Variants in LDHD observed in about 807,000 individuals in gnomAD.
LDHD encodes the protein lactate dehydrogenase D, also known as D-lactate dehydrogenase, mitochondrial.
LDHD carries 58 observed loss-of-function variants against 52.9 expected under a neutral mutation model. The observed-to-expected ratio is 1.10, with a 90% confidence interval of 0.89 to 1.36. LDHD has a LOEUF of 1.36. Among genes scored for constraint, LDHD ranks in the 40% most tolerant of loss-of-function variants. The pLI, the probability that LDHD is intolerant of heterozygous loss-of-function variation, is 0.00. For missense variants in LDHD, 747 were observed against 668.0 expected (o/e 1.12, Z -1.30); for synonymous variants, 350 against 288.6 (o/e 1.21, Z -2.16).
At chr16:75,114,379 C>A in intron 5 of LDHD, 147 bp downstream of exon 5, 1 of 1,378,164 alleles carries the variant, frequency 7.3e-7, no homozygotes, top group East Asian at 2.4e-5. Context: ...CACTTTGGCC[C>A]AGCTGACAGG....
At position 75,112,186 on chromosome 16, in the gene LDHD, G is replaced by C; in HGVS notation, c.*170C>G. 1.3e-6 allele frequency: 1 copy of C among 764,234 alleles called. No individual in the cohort carries two copies. The highest frequency in any genetic ancestry group is 2.0e-6 in the Non-Finnish European group (1 of 487,890). The allele number at this position is 764,234 out of a possible 1,614,324, so 47.3% of individuals were successfully genotyped here. Reference sequence around the variant, plus strand: ...AGCCAGAGGGCCAGGGAGGTAACACGGTGCTCAGGCTTCTCTCTGGGCCCT... The same window carrying C: ...AGCCAGAGGGCCAGGGAGGTAACACCGTGCTCAGGCTTCTCTCTGGGCCCT... On this transcript the variant is annotated 3_prime_UTR_variant, in exon 11 of 11. Coordinates refer to ENST00000450168, the MANE Select transcript of LDHD (RefSeq NM_194436.3).
intron 8 of LDHD, among the ~76,000 whole-genome samples, 157 bp from the exon 9 acceptor site, chr16:75,113,081 C>A (rs150128473): frequency 1.1e-4 from 17 of 152,264 alleles, no homozygotes; most frequent in African/African-American, 4.1e-4. Context: ...CCCTCACCTC[C>A]CCCCGACACA....
At chr16:75,115,000 A>C in intron 3 of LDHD, 32 bp from the exon 4 acceptor site, 2 of 1,591,436 alleles carry the variant, frequency 1.3e-6, no homozygotes, top group Non-Finnish European at 1.7e-6. Context: ...ACCACTGCAG[A>C]CCTGGGTCTC....
chr16:75,113,937 C>A (rs1317131978), intron 6 of LDHD, 29 bp downstream of exon 6: 1 of 1,606,572 alleles, frequency 6.2e-7, no homozygotes, highest in Non-Finnish European at 8.5e-7. Context: ...CCAGGGAGCC[C>A]ACCCTGACTG....
intron 2 of LDHD, 89 bp from the exon 3 acceptor site, chr16:75,115,428 C>T: frequency 6.3e-7 from 1 of 1,594,866 alleles, no homozygotes; most frequent in Non-Finnish European, 8.6e-7. Flanking sequence ...AAGCGAGGGG[C>T]AGAGAACATG....
chr16:75,112,110 T>TTTGCTGGGAACCACCC lies in LDHD; in HGVS notation c.*230_*245dup. 2.1e-6 allele frequency: 1 copy of TTTGCTGGGAACCACCC among 486,518 alleles called. No individual in the cohort carries two copies. Among genetic ancestry groups the TTTGCTGGGAACCACCC allele is most frequent in the Non-Finnish European group, 3.6e-6 (1 of 275,598 alleles). The allele number at this position is 486,518 out of a possible 1,614,324, so 30.1% of individuals were successfully genotyped here. A position where few individuals can be genotyped will look rare whatever the true frequency, so the allele number is the denominator to read the frequency against. Reference sequence around the variant, plus strand: ...TGCGTAGGAGCAGAGAGGAAGCAGCTTTGCTGGGAACCACCCTGGGTCGTT... The same window carrying TTTGCTGGGAACCACCC: ...TGCGTAGGAGCAGAGAGGAAGCAGCTTTGCTGGGAACCACCCTTGCTGGGAACCACCCTGGGTCGTT... On this transcript the variant is annotated 3_prime_UTR_variant, in exon 11 of 11. Transcript: ENST00000450168.
chr16:75,114,846 G>T lies in LDHD; in HGVS notation c.450C>A (p.Ser150Arg). ...TCCTACCCACGGGAAACCAGAGGCC[G>T]CTGTCCCGCAGGTGGGCGTTGAGGG... is the stretch of plus-strand genomic sequence containing the variant. ...RKALNAHLRD[S>R]GLWFPVDPGA... is the part of the protein sequence containing the mutation. Residue 150 changes from serine (S) to arginine (R), a missense_variant, in exon 4 of 11, where the codon AGC (serine) becomes AGA (arginine). Coordinates refer to ENST00000450168, the MANE Select transcript of LDHD (RefSeq NM_194436.3). 6.2e-7 allele frequency: 1 copy of T among 1,613,498 alleles called. No individual in the cohort carries two copies. The highest frequency in any genetic ancestry group is 1.3e-5 in the African/African-American group (1 of 75,042).
At chr16:75,115,088 C>T in intron 3 of LDHD, 110 bp downstream of exon 3, 1 of 1,521,200 alleles carries the variant, frequency 6.6e-7, no homozygotes, top group Non-Finnish European at 8.8e-7. Flanking sequence ...GGCAGGCAGC[C>T]CACGGGCGGG....
At position 75,113,542 on chromosome 16, in the gene LDHD, C is replaced by A; in HGVS notation, c.1079G>T (p.Gly360Val). 1.2e-6 allele frequency: 2 copies of A among 1,607,134 alleles called. No homozygotes were observed. Among genetic ancestry groups the A allele is most frequent in the Non-Finnish European group, 1.7e-6 (2 of 1,177,076 alleles). Residue 360 changes from glycine (G) to valine (V), a missense_variant, in exon 8 of 11, where the codon GGC becomes GTC. Coordinates refer to ENST00000450168, the MANE Select transcript of LDHD (RefSeq NM_194436.3). ...AWYAALATRP[G>V]CKGYSTDVCV... ...ACCCCAGCCCCAGCTCACCTTGCAG[C>A]CTGGCCGCGTGGCCAGGGCTGCGTA...
intron 8 of LDHD, 72 bp from the exon 9 acceptor site, chr16:75,112,996 G>A: frequency 1.7e-6 from 2 of 1,150,432 alleles, no homozygotes; most frequent in Non-Finnish European, 2.5e-6. Context: ...CAAGGCTGAG[G>A]ATGGGTCGGA....
At chr16:75,115,102 A>G in intron 3 of LDHD, 96 bp downstream of exon 3, 2 of 1,547,864 alleles carry the variant, frequency 1.3e-6, no homozygotes, top group Non-Finnish European at 1.7e-6. Flanking sequence ...GGGCGGGAGC[A>G]GACCCAAGGT....
intron 9 of LDHD, 52 bp from the exon 10 acceptor site, chr16:75,112,765 C>A (rs754247600): frequency 1.2e-6 from 2 of 1,601,260 alleles, no homozygotes; most frequent in Non-Finnish European, 1.7e-6. Context: ...CCTCTTGCCT[C>A]CTGCTGCCCC....
rs377239731 is a variant in LDHD, at chr16:75,113,956, C to T, written c.829+10G>A. On this transcript the variant is annotated intron_variant, in intron 6 of 10. Coordinates refer to ENST00000450168, the MANE Select transcript of LDHD (RefSeq NM_194436.3). ...GGAGCCCACCCTGACTGCCCCCATC[C>T]TCAGCTCACCAATGCGGGCTACGGG... 2 of 1,602,564 alleles carry T rather than the reference C, an allele frequency of 1.2e-6. No individual in the cohort carries two copies. Among genetic ancestry groups the T allele is most frequent in the Non-Finnish European group, 1.7e-6 (2 of 1,173,898 alleles).
At position 75,116,740 on chromosome 16, in the gene LDHD, G is replaced by T; in HGVS notation, c.-20C>A. The T allele has an allele frequency of 6.5e-7, 1 of 1,549,482 alleles. No individual in the cohort carries two copies. Among genetic ancestry groups the T allele is most frequent in the Non-Finnish European group, 8.7e-7 (1 of 1,149,200 alleles). On this transcript the variant is annotated 5_prime_UTR_variant, in exon 1 of 11. Transcript: ENST00000450168. ...GGCCATAGCCAGGCACTGGCCAGAGGGTGTGAGCACTGGGTGGCAGGGTGA... is the reference window on the plus strand; with the variant it reads ...GGCCATAGCCAGGCACTGGCCAGAGTGTGTGAGCACTGGGTGGCAGGGTGA...
chr16:75,116,141 T>C (rs941232984), intron 1 of LDHD, among the ~76,000 whole-genome samples: 1 of 152,126 alleles, frequency 6.6e-6, no homozygotes. Context: ...GATCCCTCAC[T>C]TCCTCCTTTC....
Position 75,114,164 on chromosome 16 carries a change from T to A in LDHD, c.631A>T (p.Lys211Ter). 1 of 1,612,304 alleles carries A rather than the reference T, an allele frequency of 6.2e-7. No homozygotes were observed. The highest frequency in any genetic ancestry group is 8.5e-7 in the Non-Finnish European group (1 of 1,179,966). ...HTAGRGRHFRKSAAGYNLTGL... is the reference protein window; with the variant it reads ...HTAGRGRHFR ...GTGAGGTTGTAGCCGGCTGCACTCTTCCTACGTCCCAGGGACACACAAGGT... is the reference window on the plus strand; with the variant it reads ...GTGAGGTTGTAGCCGGCTGCACTCTACCTACGTCCCAGGGACACACAAGGT... The change falls in exon 6 of 11, where the codon AAG becomes TAG. Residue 211 changes from lysine to a stop codon, truncating the protein, a stop_gained and splice_region_variant. Coordinates refer to ENST00000450168, the MANE Select transcript of LDHD (RefSeq NM_194436.3). LOFTEE classifies it high-confidence loss of function.
At chr16:75,113,446 C>A in intron 8 of LDHD, 89 bp downstream of exon 8, 1 of 1,457,514 alleles carries the variant, frequency 6.9e-7, no homozygotes, top group Non-Finnish European at 9.1e-7. Flanking sequence ...TGAGGCTCAG[C>A]CTGCTGCTCT....
chr16:75,115,565 G>A lies in LDHD; in HGVS notation c.168C>T (p.Arg56=), dbSNP rs779326822. 2.5e-6 allele frequency: 4 copies of A among 1,612,862 alleles called. No homozygotes were observed. The highest frequency in any genetic ancestry group is 3.4e-6 in the Non-Finnish European group (4 of 1,179,954). ...TCCCATACCTGTGCACCGACTCATC[G>A]CGCCCGTGCTGCTCTCGGACCACCG... is the stretch of plus-strand genomic sequence containing the variant. ...TAAVVREQHG[R]DESVHRCEPP... Residue 56 remains arginine, a synonymous_variant, in exon 2 of 11, where the codon CGC becomes CGT. Transcript: ENST00000450168.
chr16:75,114,792 C>T (rs554216298), intron 4 of LDHD, 35 bp downstream of exon 4: 4 of 1,600,270 alleles, frequency 2.5e-6, no homozygotes, highest in Middle Eastern at 1.7e-4. Flanking sequence ...TCCCACGGTG[C>T]CCTCAGGGTC....
Sources: gnomAD v4.1 joint callset for allele counts (sites outside exome capture counted in the v4.1 genomes callset) on GRCh38, gnomAD v4.1.1 for gene constraint, MANE v1.5 for transcripts, NCBI Gene and HGNC (gene_info 2026-07-23, HGNC 2026-07-21) for gene names.